The following DTD1 variants were observed in gnomAD, a reference collection of about 807,000 sequenced individuals.
DTD1 encodes the protein D-tyrosyl-tRNA deacylase 1 homolog.
Under a neutral mutation model 25.6 loss-of-function variants are expected in DTD1, and 13 were observed. The ratio of observed to expected loss-of-function variants is 0.51; its 90% CI spans 0.33 to 0.81. The LOEUF is 0.81. Among genes scored for constraint, DTD1 ranks in the 30% least tolerant of loss-of-function variants. The probability of loss-of-function intolerance (pLI) is 0.02; values close to 1 mark genes in which losing one functional copy is unlikely to be tolerated. For synonymous variants in DTD1, 110 were observed against 103.6 expected (o/e 1.06, Z -0.37); for missense variants, 193 against 266.4 (o/e 0.72, Z 1.92).
chr20:18,712,472 T>C (rs1410959763), intron 4 of DTD1, among the ~76,000 whole-genome samples: 1 of 152,078 alleles, frequency 6.6e-6, no homozygotes, highest in Non-Finnish European at 1.5e-5. Flanking sequence ...CTGTCCTTGC[T>C]CCCGCAGTGG....
intron 3 of DTD1, among the ~76,000 whole-genome samples, chr20:18,605,982 G>A (rs910960761): frequency 6.8e-6 from 1 of 147,044 alleles, no homozygotes; most frequent in Non-Finnish European, 1.5e-5. Context: ...CCATCAGAGT[G>A]AACAGGCAAC....
At chr20:18,673,225 G>T (rs1413293353) in intron 4 of DTD1, among the ~76,000 whole-genome samples, 2 of 152,114 alleles carry the variant, frequency 1.3e-5, no homozygotes, top group Admixed American at 1.3e-4. Flanking sequence ...AAATTTTGAG[G>T]TTAATTAATG....
chr20:18,610,399 G>A (rs1008963387), intron 3 of DTD1, among the ~76,000 whole-genome samples: 21 of 152,092 alleles, frequency 1.4e-4, no homozygotes, highest in East Asian at 3.9e-4. Context: ...CATACTTCTT[G>A]AAATAATGTA....
intron 4 of DTD1, among the ~76,000 whole-genome samples, chr20:18,691,258 C>T (rs2061045963): frequency 6.6e-6 from 1 of 152,190 alleles, no homozygotes; most frequent in East Asian, 1.9e-4. Context: ...AATCCCATTA[C>T]TAAGTATGTA....
At chr20:18,732,454 G>A (rs1290789471) in intron 4 of DTD1, among the ~76,000 whole-genome samples, 1 of 152,154 alleles carries the variant, frequency 6.6e-6, no homozygotes, top group African/African-American at 2.4e-5. Flanking sequence ...AATAGCTTAC[G>A]ACCTACAAAA....
intron 4 of DTD1, among the ~76,000 whole-genome samples, chr20:18,709,875 CT>C (rs948884843): frequency 6.7e-6 from 1 of 150,318 alleles, no homozygotes; most frequent in Non-Finnish European, 1.5e-5. Flanking sequence ...AGTGGTAGTT[CT>C]TTTTTTTTAA....
chr20:18,677,603 C>T (rs2060981390), intron 4 of DTD1, among the ~76,000 whole-genome samples: 1 of 152,184 alleles, frequency 6.6e-6, no homozygotes, highest in South Asian at 2.1e-4. Flanking sequence ...GTTCAACAAA[C>T]ACTGATTAAT....
At chr20:18,742,502 G>A (rs1324730629) in intron 4 of DTD1, among the ~76,000 whole-genome samples, 1 of 152,150 alleles carries the variant, frequency 6.6e-6, no homozygotes, top group African/African-American at 2.4e-5. Flanking sequence ...ATCAGCAGTG[G>A]CCTTAGATTC....
At chr20:18,671,415 G>A (rs754804109) in intron 4 of DTD1, among the ~76,000 whole-genome samples, 3 of 152,066 alleles carry the variant, frequency 2.0e-5, no homozygotes, top group East Asian at 1.9e-4. Flanking sequence ...CCTTTATCCC[G>A]TCTCCATCAG....
intron 4 of DTD1, among the ~76,000 whole-genome samples, chr20:18,696,689 G>C (rs2122450420): frequency 6.6e-6 from 1 of 152,008 alleles, no homozygotes; most frequent in Admixed American, 6.5e-5. Context: ...CAAGTAGCTG[G>C]GATTACAGGC....
chr20:18,695,774 G>A (rs2061073846), intron 4 of DTD1, among the ~76,000 whole-genome samples: 1 of 151,520 alleles, frequency 6.6e-6, no homozygotes, highest in Non-Finnish European at 1.5e-5. Flanking sequence ...AGGCTCAAGT[G>A]ATCTTCCTGC....
intron 4 of DTD1, among the ~76,000 whole-genome samples, chr20:18,646,906 T>A (rs1369338242): frequency 6.6e-6 from 1 of 152,228 alleles, no homozygotes; most frequent in Non-Finnish European, 1.5e-5. Context: ...TGCATGTTAA[T>A]GAGCCATATG....
chr20:18,652,818 A>G (rs1424787932), intron 4 of DTD1, among the ~76,000 whole-genome samples: 3 of 152,236 alleles, frequency 2.0e-5, no homozygotes, highest in African/African-American at 7.2e-5. Context: ...TGTAGACTGC[A>G]AAACTCTATG....
chr20:18,685,948 T>G (rs1261370443), intron 4 of DTD1, among the ~76,000 whole-genome samples: 2 of 152,192 alleles, frequency 1.3e-5, no homozygotes, highest in Non-Finnish European at 2.9e-5. Flanking sequence ...CCAACTTCAG[T>G]GTCATTTGTA....
chr20:18,737,301 C>T (rs925498537), intron 4 of DTD1, among the ~76,000 whole-genome samples: 20 of 152,160 alleles, frequency 1.3e-4, no homozygotes, highest in Non-Finnish European at 5.9e-5. Context: ...GATGCCAGTC[C>T]CTGGAGTGCC....
chr20:18,760,007 T>G (rs564760271), intron 5 of DTD1, among the ~76,000 whole-genome samples: 2 of 152,364 alleles, frequency 1.3e-5, no homozygotes, highest in South Asian at 4.1e-4. Flanking sequence ...ACTGATACCC[T>G]TTCTTCCAGT....
intron 5 of DTD1, among the ~76,000 whole-genome samples, chr20:18,745,170 T>C (rs1951415210): frequency 6.6e-6 from 1 of 152,184 alleles, no homozygotes; most frequent in African/African-American, 2.4e-5. Flanking sequence ...ACCTGCCCCG[T>C]GTTCTGAAAT....
Position 18,744,150 on chromosome 20 carries a change from G to C in DTD1, c.528G>C (p.Lys176Asn), listed in dbSNP as rs192570827. The change falls in exon 5 of 6, where the codon AAG (lysine) becomes AAC (asparagine). Residue 176 changes from lysine (K) to asparagine (N), a missense_variant. Coordinates refer to ENST00000377452, the MANE Select transcript of DTD1 (RefSeq NM_080820.6). The part of the protein sequence containing the change: ...QQQRKEKTRA[K>N]GPSESSKERN... Reference sequence around the variant, plus strand: ...AGAGGAAAGAAAAGACCAGAGCTAAGGGACCTTCTGAATCAAGCAAGGAAA... The same window carrying C: ...AGAGGAAAGAAAAGACCAGAGCTAACGGACCTTCTGAATCAAGCAAGGAAA... 6.2e-7 allele frequency: 1 copy of C among 1,612,286 alleles called. No homozygotes were observed. Among genetic ancestry groups the C allele is most frequent in the Non-Finnish European group, 8.5e-7 (1 of 1,179,996 alleles).
At chr20:18,714,130 G>A (rs780439719) in intron 4 of DTD1, among the ~76,000 whole-genome samples, 1 of 152,214 alleles carries the variant, frequency 6.6e-6, no homozygotes. Flanking sequence ...AGGAAAGGCA[G>A]GATGAGAAAG....
Sources: gnomAD v4.1 joint callset for allele counts (sites outside exome capture counted in the v4.1 genomes callset) on GRCh38, gnomAD v4.1.1 for gene constraint, MANE v1.5 for transcripts, NCBI Gene and HGNC (gene_info 2026-07-23, HGNC 2026-07-21) for gene names.